Variants in ZSCAN30 observed in about 807,000 individuals in gnomAD.
ZSCAN30 encodes zinc finger and SCAN domain containing 30, also known as zinc finger and SCAN domain-containing protein 30.
Under a neutral mutation model 44.3 loss-of-function variants are expected in ZSCAN30, and 37 were observed. That is an observed-to-expected ratio of 0.84 (90% CI 0.64 to 1.10). The LOEUF is 1.10. ZSCAN30 is among the 50% of genes least tolerant of loss of function. The pLI, the probability that ZSCAN30 is intolerant of heterozygous loss-of-function variation, is 0.00. For missense variants in ZSCAN30, 549 were observed against 582.6 expected (o/e 0.94, Z 0.59); for synonymous variants, 181 against 204.6 (o/e 0.88, Z 0.98).
Position 35,264,465 on chromosome 18 carries a change from G to A in ZSCAN30, c.-103-10C>T. On this transcript the variant is annotated splice_polypyrimidine_tract_variant and intron_variant, in intron 1 of 3. Transcript: ENST00000333206. ...ACTCCCCAGGACGCTCCTGAGGGTGGACAATGCTCATGTTACACAGGGAAA... is the reference window on the plus strand; with the variant it reads ...ACTCCCCAGGACGCTCCTGAGGGTGAACAATGCTCATGTTACACAGGGAAA... The A allele has an allele frequency of 9.2e-7, 1 of 1,082,254 alleles. No homozygotes were observed. The highest frequency in any genetic ancestry group is 1.3e-6 in the Non-Finnish European group (1 of 765,562). 67.0% of individuals were successfully genotyped at this position (1,082,254 alleles called of 1,614,324 possible).
chr18:35,278,012 T>C (rs1598648847), intron 1 of ZSCAN30, among the ~76,000 whole-genome samples: 1 of 152,244 alleles, frequency 6.6e-6, no homozygotes, highest in Non-Finnish European at 1.5e-5. Flanking sequence ...TCCCATAAAA[T>C]ATTTTATGTT....
intron 1 of ZSCAN30, chr18:35,269,641 T>A (rs570525270): frequency 6.6e-6 from 1 of 152,346 alleles, no homozygotes; most frequent in Admixed American, 6.5e-5. Context: ...GCTCACTTGA[T>A]ATATGGCTGA....
rs984215575 is a variant in ZSCAN30, at chr18:35,252,646, G to C, written c.*804C>G. 2 of 152,126 alleles carry C rather than the reference G, an allele frequency of 1.3e-5. No homozygotes were observed. The highest frequency in any genetic ancestry group is 4.8e-5 in the African/African-American group (2 of 41,418). The allele number at this position is 152,126 out of a possible 1,614,324, so 9.4% of individuals were successfully genotyped here. ...TCTGAGATACCATCATATCCAGGAA[G>C]TCTTTAGTGACTCATAGACCAGATT... On this transcript the variant is annotated 3_prime_UTR_variant, in exon 4 of 4. Coordinates refer to ENST00000333206, the MANE Select transcript of ZSCAN30 (RefSeq NM_001112734.4).
chr18:35,268,744 CAAT>C (rs2044214850), intron 1 of ZSCAN30: 1 of 152,064 alleles, frequency 6.6e-6, no homozygotes, highest in East Asian at 1.9e-4. Flanking sequence ...TAAAAATAGA[CAAT>C]AATCTCTTTT....
Position 35,264,200 on chromosome 18 carries a change from G to A in ZSCAN30, c.153C>T (p.Phe51=), listed in dbSNP as rs1351373333. The change falls in exon 2 of 4, where the codon TTC becomes TTT. Residue 51 remains phenylalanine, a synonymous_variant. Transcript: ENST00000333206. ...TGGAGTCAGAGTAACTAAACTGCCT[G>A]AACTTCTGCCGGAATACCTCTTGGC... is the stretch of plus-strand genomic sequence containing the variant. The part of the protein sequence containing the change: ...PWSQEVFRQK[F]RQFSYSDSTG... 3 of 1,614,202 alleles carry A rather than the reference G, an allele frequency of 1.9e-6. No individual in the cohort carries two copies. Among genetic ancestry groups the A allele is most frequent in the Non-Finnish European group, 2.5e-6 (3 of 1,180,034 alleles).
In ZSCAN30 at chr18:35,253,743, A is replaced by G; in HGVS notation, c.1192T>C (p.Ser398Pro). The G allele has an allele frequency of 6.2e-7, 1 of 1,614,130 alleles. No homozygotes were observed. The highest frequency in any genetic ancestry group is 8.5e-7 in the Non-Finnish European group (1 of 1,180,030). ...ATTTTCTTATGCTGAATAAGGGCTG[A>G]GCTCCGGCTGAAGGCCTTCCCACAT... Reference protein sequence around the residue: ...GECGKAFSRSSALIQHKKIHT... With the variant: ...GECGKAFSRSPALIQHKKIHT... Residue 398 changes from serine to proline, a missense_variant, in exon 4 of 4, where the codon TCA (serine) becomes CCA (proline). By Grantham distance (74) the Ser-to-Pro change is moderately conservative. Coordinates refer to ENST00000333206, the MANE Select transcript of ZSCAN30 (RefSeq NM_001112734.4).
intron 3 of ZSCAN30, among the ~76,000 whole-genome samples, chr18:35,256,506 A>G (rs2043822540): frequency 6.6e-6 from 1 of 152,130 alleles, no homozygotes; most frequent in African/African-American, 2.4e-5. Context: ...GGTTGCAGTG[A>G]ACCAAGATCA....
intron 1 of ZSCAN30, among the ~76,000 whole-genome samples, chr18:35,271,113 G>C (rs929128269): frequency 1.3e-5 from 2 of 152,216 alleles, no homozygotes; most frequent in Non-Finnish European, 2.9e-5. Context: ...GTGAACAGCA[G>C]CAAGATTTAT....
chr18:35,272,564 C>CA (rs2044302882), intron 1 of ZSCAN30, among the ~76,000 whole-genome samples: 1 of 151,886 alleles, frequency 6.6e-6, no homozygotes, highest in African/African-American at 2.4e-5. Flanking sequence ...AGGCTGTTCT[C>CA]AAACTCCTGA....
At position 35,254,236 on chromosome 18, in the gene ZSCAN30, G is replaced by C. The variant is rs751131272; in HGVS notation, c.699C>G (p.Asp233Glu). ...CATTTCCCTTTTGCTTCTTAGAGTT[G>C]TCCAGACCTCCCAAAGCTTCTTCAG... ...RIAEEALGGL[D>E]NSKKQKGNAA... Residue 233 changes from aspartate to glutamate, a missense_variant, in exon 4 of 4, where the codon GAC becomes GAG. Physicochemically the swap from Asp to Glu is conservative, Grantham distance 45 (BLOSUM62 2). Transcript: ENST00000333206. 6.2e-6 allele frequency: 10 copies of C among 1,613,970 alleles called. No individual in the cohort carries two copies. The African/African-American group carries it at 1.3e-4, about 22-fold the overall frequency.
rs1224275940 is a variant in ZSCAN30 at position 35,252,075 on chromosome 18, A to G, written c.*1375T>C. The G allele has an allele frequency of 2.0e-5, 3 of 152,312 alleles. No homozygotes were observed. Among genetic ancestry groups the G allele is most frequent in the African/African-American group, 7.2e-5 (3 of 41,572 alleles). The allele number at this position is 152,312 out of a possible 1,614,324, so 9.4% of individuals were successfully genotyped here. A position where few individuals can be genotyped will look rare whatever the true frequency, so the allele number is the denominator to read the frequency against. ...AGATAGGATCTGGAGACAGCCCATC[A>G]TCAGGACTCTTCTCTCCAGCAGGAA... is the stretch of plus-strand genomic sequence containing the variant. On this transcript the variant is annotated 3_prime_UTR_variant, in exon 4 of 4. Coordinates refer to ENST00000333206, the MANE Select transcript of ZSCAN30 (RefSeq NM_001112734.4).
intron 1 of ZSCAN30, chr18:35,268,419 G>A (rs1420047603): frequency 6.6e-6 from 1 of 152,208 alleles, no homozygotes; most frequent in Admixed American, 6.5e-5. Flanking sequence ...AAGTATGATT[G>A]AAAATAGGGC....
At chr18:35,271,769 A>G (rs1053866813) in intron 1 of ZSCAN30, among the ~76,000 whole-genome samples, 1 of 152,224 alleles carries the variant, frequency 6.6e-6, no homozygotes, top group Non-Finnish European at 1.5e-5. Context: ...GCGCTTGGGC[A>G]TGGCGGGCTG....
At chr18:35,270,921 C>T (rs1431574664) in intron 1 of ZSCAN30, among the ~76,000 whole-genome samples, 1 of 152,206 alleles carries the variant, frequency 6.6e-6, no homozygotes, top group East Asian at 1.9e-4. Context: ...AGGAGTGAAG[C>T]TGCAGAACTT....
intron 1 of ZSCAN30, chr18:35,283,522 G>A (rs1281331041): frequency 6.6e-6 from 1 of 152,364 alleles, no homozygotes; most frequent in African/African-American, 2.4e-5. Context: ...CCAAGGGTGA[G>A]CCAGGCGTGA....
intron 1 of ZSCAN30, among the ~76,000 whole-genome samples, chr18:35,273,316 CTTAT>C (rs1334963805): frequency 6.6e-6 from 1 of 152,168 alleles, no homozygotes; most frequent in East Asian, 1.9e-4. Flanking sequence ...TTGTGACTGG[CTTAT>C]TTTACTTAAC....
At position 35,253,793 on chromosome 18, in the gene ZSCAN30, C is replaced by G; in HGVS notation, c.1142G>C (p.Gly381Ala). 1 of 1,614,222 alleles carries G rather than the reference C, an allele frequency of 6.2e-7. No individual in the cohort carries two copies. The highest frequency in any genetic ancestry group is 8.5e-7 in the Non-Finnish European group (1 of 1,180,024). Reference sequence around the variant, plus strand: ...TTCTCCACATTCATAAGGCTTCTCTCCAGTGTGGATTCTCCGATGCCTGAT... The same window carrying G: ...TTCTCCACATTCATAAGGCTTCTCTGCAGTGTGGATTCTCCGATGCCTGAT... ...ELIRHRRIHT[G>A]EKPYECGECG... is the part of the protein sequence containing the mutation. The change falls in exon 4 of 4, where the codon GGA (glycine) becomes GCA (alanine). Residue 381 changes from glycine to alanine, a missense_variant. Coordinates refer to ENST00000333206, the MANE Select transcript of ZSCAN30 (RefSeq NM_001112734.4).
In ZSCAN30 at chr18:35,254,539, G is replaced by T. The variant is rs1001658543; in HGVS notation, c.554-158C>A. 2.1e-6 allele frequency: 3 copies of T among 1,421,154 alleles called. No individual in the cohort carries two copies. The African/African-American group carries it at 4.3e-5, about 20-fold the overall frequency. The allele number at this position is 1,421,154 out of a possible 1,614,324, so 88.0% of individuals were successfully genotyped here. ...TCTAGAATTCAGAGAAGTGGCCTGG[G>T]GTAGCCAAATATGGCCCCCTTGGAG... On this transcript the variant is annotated intron_variant, in intron 3 of 3. Transcript: ENST00000333206.
At position 35,253,909 on chromosome 18, in the gene ZSCAN30, TGA is replaced by T. The variant is rs1569059085; in HGVS notation, c.1024_1025del (p.Ser342ArgfsTer4). The T allele has an allele frequency of 6.2e-7, 1 of 1,614,168 alleles. No homozygotes were observed. ...GAATTCTCTGATGTCTAACAAGGTC[TGA>T]GCTCAAACTGAAGGCTTTGCCACAT... ...KECGKAFSLS[S>X]DLVRHQRIHS... On this transcript the variant is annotated frameshift_variant, in exon 4 of 4. Transcript: ENST00000333206. LOFTEE classifies it high-confidence loss of function.
Sources: gnomAD v4.1 joint callset for allele counts (sites outside exome capture counted in the v4.1 genomes callset) on GRCh38, gnomAD v4.1.1 for gene constraint, MANE v1.5 for transcripts, NCBI Gene and HGNC (gene_info 2026-07-23, HGNC 2026-07-21) for gene names.